Variants in CLMP observed in about 807,000 individuals in gnomAD.
CLMP encodes CXADR-like membrane protein.
A neutral mutation model predicts 45.2 loss-of-function variants in CLMP; 27 were observed. That is an observed-to-expected ratio of 0.60 (90% confidence interval 0.44 to 0.82). CLMP has a LOEUF of 0.82. Among genes scored for constraint, CLMP ranks in the 40% least tolerant of loss-of-function variants. The pLI is 0.00. For missense variants in CLMP, 403 were observed against 448.4 expected (o/e 0.90, Z 0.91); for synonymous variants, 167 against 171.4 (o/e 0.97, Z 0.20).
At chr11:123,104,318 T>A (rs1405415361) in intron 1 of CLMP, among the ~76,000 whole-genome samples, 1 of 151,444 alleles carries the variant, frequency 6.6e-6, no homozygotes, top group Non-Finnish European at 1.5e-5. Flanking sequence ...TGGCCTCAAG[T>A]GATCTGCCCG....
At chr11:123,152,416 A>AGGAG (rs1861348501) in intron 1 of CLMP, among the ~76,000 whole-genome samples, 1 of 151,808 alleles carries the variant, frequency 6.6e-6, no homozygotes, top group African/African-American at 2.4e-5. Flanking sequence ...CCAGCTACTC[A>AGGAG]GGAGGCTGAG....
intron 1 of CLMP, among the ~76,000 whole-genome samples, chr11:123,193,498 G>A (rs1861935920): frequency 6.6e-6 from 1 of 152,224 alleles, no homozygotes; most frequent in African/African-American, 2.4e-5. Context: ...CACAGGAACA[G>A]TATTGCAGTA....
At chr11:123,122,163 A>T (rs12286532) in intron 1 of CLMP, among the ~76,000 whole-genome samples, 10,233 of 151,982 alleles carry the variant, frequency 0.067, 473 homozygotes, top group East Asian at 0.16. Flanking sequence ...GACTATAGAC[A>T]TTTTCTCTGC....
At chr11:123,109,969 T>C (rs1052194706) in intron 1 of CLMP, among the ~76,000 whole-genome samples, 1 of 152,030 alleles carries the variant, frequency 6.6e-6, no homozygotes, top group Non-Finnish European at 1.5e-5. Flanking sequence ...GCTAATGCAG[T>C]TATAGGTGAA....
chr11:123,125,281 G>A (rs1006269955), intron 1 of CLMP, among the ~76,000 whole-genome samples: 2 of 152,178 alleles, frequency 1.3e-5, no homozygotes, highest in African/African-American at 4.8e-5. Flanking sequence ...AGGTCCGCAT[G>A]TACACTCCTC....
At chr11:123,170,174 G>A (rs1861610592) in intron 1 of CLMP, among the ~76,000 whole-genome samples, 1 of 152,110 alleles carries the variant, frequency 6.6e-6, no homozygotes, top group Non-Finnish European at 1.5e-5. Flanking sequence ...GATCTGGCAA[G>A]GAAATATATT....
At chr11:123,153,240 C>T (rs1339783484) in intron 1 of CLMP, among the ~76,000 whole-genome samples, 4 of 152,196 alleles carry the variant, frequency 2.6e-5, no homozygotes, top group African/African-American at 7.2e-5. Context: ...CTCCCCCAGG[C>T]ATAGAATGGC....
rs1391691313 is a variant in CLMP at position 123,135,935 on chromosome 11, G to C, written c.29-37983C>G. On this transcript the variant is annotated intron_variant, in intron 1 of 6. Transcript: ENST00000448775. The stretch of plus-strand genomic sequence containing the variant: ...ATTCACGTCCTTAAGATGCAAGTCC[G>C]AGCAAAAAGCCTCCCACAAATCTAC... 1.8e-5 allele frequency: 10 copies of C among 549,510 alleles called. No individual in the cohort carries two copies. The East Asian group carries it at 4.8e-4, about 26-fold the overall frequency. 34.0% of individuals were successfully genotyped at this position (549,510 alleles called of 1,614,324 possible). A position where few individuals can be genotyped will look rare whatever the true frequency, so the allele number is the denominator to read the frequency against.
At chr11:123,164,424 C>G (rs1861529827) in intron 1 of CLMP, among the ~76,000 whole-genome samples, 1 of 152,212 alleles carries the variant, frequency 6.6e-6, no homozygotes, top group African/African-American at 2.4e-5. Context: ...CCACCCTAGC[C>G]TCCCCAGTAG....
intron 1 of CLMP, among the ~76,000 whole-genome samples, chr11:123,133,209 G>A (rs937054917): frequency 4.6e-5 from 7 of 152,242 alleles, no homozygotes; most frequent in Admixed American, 3.3e-4. Context: ...CTGGAAAAGC[G>A]TAATGGAGCA....
intron 2 of CLMP, among the ~76,000 whole-genome samples, chr11:123,096,100 C>T (rs942952494): frequency 3.3e-5 from 5 of 152,124 alleles, no homozygotes; most frequent in Admixed American, 6.6e-5. Context: ...CAGTGGCTCA[C>T]GCCTGTAATC....
At chr11:123,193,268 A>G (rs1591492918) in intron 1 of CLMP, among the ~76,000 whole-genome samples, 1 of 152,242 alleles carries the variant, frequency 6.6e-6, no homozygotes, top group Non-Finnish European at 1.5e-5. Flanking sequence ...CTGTAAAATG[A>G]GGGTAGCCAA....
chr11:123,093,527 T>C (rs1040032613), intron 2 of CLMP, among the ~76,000 whole-genome samples: 3 of 146,018 alleles, frequency 2.1e-5, no homozygotes, highest in East Asian at 2.0e-4. Flanking sequence ...TTTGTGTTTT[T>C]AGTCGAGAGA....
chr11:123,103,997 T>G (rs890952704), intron 1 of CLMP, among the ~76,000 whole-genome samples: 1 of 151,590 alleles, frequency 6.6e-6, no homozygotes, highest in African/African-American at 2.4e-5. Flanking sequence ...GCCTGGCTAA[T>G]TTTTGTATTT....
chr11:123,107,632 A>C (rs1006217869), intron 1 of CLMP, among the ~76,000 whole-genome samples: 1 of 150,594 alleles, frequency 6.6e-6, no homozygotes, highest in Non-Finnish European at 1.5e-5. Flanking sequence ...TCGGCCTCTG[A>C]AAGTGCTGGG....
At chr11:123,105,878 G>T (rs1169388351) in intron 1 of CLMP, among the ~76,000 whole-genome samples, 4 of 149,098 alleles carry the variant, frequency 2.7e-5, no homozygotes, top group African/African-American at 5.0e-5. Context: ...GTACAGTAGC[G>T]CAATCTCAGC....
intron 1 of CLMP, among the ~76,000 whole-genome samples, chr11:123,145,353 T>G (rs1376067241): frequency 1.3e-5 from 2 of 152,130 alleles, no homozygotes; most frequent in African/African-American, 4.8e-5. Context: ...AAGGTCTAGT[T>G]CTGGGTCACC....
At chr11:123,192,962 A>G (rs4403817) in intron 1 of CLMP, 115,408 of 152,160 alleles carry the variant, frequency 0.76, 44,401 homozygotes, top group African/African-American at 0.89. Context: ...CATTTCTTAA[A>G]TAAGGACAGG....
At chr11:123,188,209 G>A (rs1861858271) in intron 1 of CLMP, among the ~76,000 whole-genome samples, 1 of 152,204 alleles carries the variant, frequency 6.6e-6, no homozygotes, top group South Asian at 2.1e-4. Context: ...CACCCGCTCT[G>A]TAATTGTTTT....
Sources: gnomAD v4.1 joint callset for allele counts (sites outside exome capture counted in the v4.1 genomes callset) on GRCh38, gnomAD v4.1.1 for gene constraint, MANE v1.5 for transcripts, NCBI Gene and HGNC (gene_info 2026-07-23, HGNC 2026-07-21) for gene names.